The following USH2A variants were observed in gnomAD, a reference collection of about 807,000 sequenced individuals.
The protein encoded by USH2A is Usher syndrome 2A (autosomal recessive, mild).
USH2A carries 443 observed loss-of-function variants against 538.9 expected under a neutral mutation model. The observed-to-expected ratio is 0.82, with a 90% CI of 0.76 to 0.89. The LOEUF (loss-of-function observed/expected upper bound fraction) is 0.89. Ranked by LOEUF, USH2A falls within the 40% of genes least tolerant of loss-of-function variation. The pLI is 0.00. For missense variants in USH2A, 6,633 were observed against 6,324.8 expected (o/e 1.05, Z -1.65); for synonymous variants, 2,413 against 2,273.5 (o/e 1.06, Z -1.75).
chr1:215,823,508 G>A (rs532004165), intron 47 of USH2A, among the ~76,000 whole-genome samples: 40 of 152,056 alleles, frequency 2.6e-4, no homozygotes, highest in African/African-American at 9.2e-4. Context: ...ATTGTTATAT[G>A]CCTTGGAATA....
intron 65 of USH2A, 103 bp downstream of exon 65, chr1:215,650,489 G>C: frequency 7.3e-7 from 1 of 1,373,292 alleles, no homozygotes; most frequent in South Asian, 1.2e-5. Flanking sequence ...GAGAACAGAA[G>C]GATAAGAAAG....
At chr1:215,803,698 G>A (rs1360475758) in intron 49 of USH2A, among the ~76,000 whole-genome samples, 1 of 152,062 alleles carries the variant, frequency 6.6e-6, no homozygotes, top group Non-Finnish European at 1.5e-5. Context: ...CACGAAAATG[G>A]CCATACCGCC....
intron 22 of USH2A, 121 bp from the exon 23 acceptor site, chr1:216,089,260 A>G: frequency 9.4e-7 from 1 of 1,065,612 alleles, no homozygotes; most frequent in Non-Finnish European, 1.4e-6. Context: ...AAGCATGCAT[A>G]CATTTCAAAC....
intron 37 of USH2A, among the ~76,000 whole-genome samples, chr1:215,951,539 G>T (rs1404720162): frequency 6.6e-6 from 1 of 152,178 alleles, no homozygotes; most frequent in Non-Finnish European, 1.5e-5. Flanking sequence ...TGTTGATTTG[G>T]AGTGGAGAGT....
At chr1:216,272,361 T>G (rs1347890531) in intron 11 of USH2A, among the ~76,000 whole-genome samples, 1 of 152,138 alleles carries the variant, frequency 6.6e-6, no homozygotes, top group Admixed American at 6.6e-5. Flanking sequence ...AATTTGTGTT[T>G]TTGATGTTGG....
At chr1:216,334,527 T>C (rs1048573840) in intron 4 of USH2A, among the ~76,000 whole-genome samples, 3 of 151,878 alleles carry the variant, frequency 2.0e-5, no homozygotes, top group African/African-American at 7.2e-5. Flanking sequence ...AAAAAGTAGA[T>C]ATTTACAAAA....
At chr1:216,207,580 G>A (rs1572051339) in intron 15 of USH2A, 149 bp from the exon 16 acceptor site, 1 of 1,015,652 alleles carries the variant, frequency 9.8e-7, no homozygotes, top group Non-Finnish European at 1.4e-6. Context: ...AATAAACAAA[G>A]GGTTCATGAG....
chr1:216,377,017 AC>A (rs2038835152), intron 3 of USH2A, among the ~76,000 whole-genome samples: 1 of 152,162 alleles, frequency 6.6e-6, no homozygotes, highest in Non-Finnish European at 1.5e-5. Flanking sequence ...TTCTGTAAGT[AC>A]CTATGCTTCA....
intron 11 of USH2A, among the ~76,000 whole-genome samples, chr1:216,274,737 C>A (rs919069631): frequency 6.6e-6 from 1 of 152,032 alleles, no homozygotes; most frequent in Admixed American, 6.6e-5. Flanking sequence ...GTCAAAAATA[C>A]TCATTTGCAA....
chr1:216,040,684 C>T (rs950949648), intron 32 of USH2A, among the ~76,000 whole-genome samples: 1 of 151,964 alleles, frequency 6.6e-6, no homozygotes, highest in Non-Finnish European at 1.5e-5. Flanking sequence ...TTTCTTTTGT[C>T]TACTTGTTTG....
Position 215,773,520 on chromosome 1 carries a change from C to G in USH2A, c.10939+6323G>C, listed in dbSNP as rs543995133. 6.2e-3 allele frequency among the ~76,000 whole-genome samples: 921 copies of G among 147,836 alleles called. 6 individuals are homozygous for G. Among genetic ancestry groups the G allele is most frequent in the African/African-American group, 0.023 (866 of 37,582 alleles). On this transcript the variant is annotated intron_variant, in intron 55 of 71. Transcript: ENST00000307340. ...TCTCTCTCTCTCTCTCTGTCTCTCTCTCTCTCTCTCTCTGTCTTTCTCTCT... is the reference window on the plus strand; with the variant it reads ...TCTCTCTCTCTCTCTCTGTCTCTCTGTCTCTCTCTCTCTGTCTTTCTCTCT...
In USH2A at chr1:215,782,144, T is replaced by G. The variant is rs1661661673; in HGVS notation, c.10638A>C (p.Gly3546=). Residue 3546 remains glycine, a synonymous_variant, in exon 54 of 72, where the codon GGA becomes GGC. Coordinates refer to ENST00000307340, the MANE Select transcript of USH2A (RefSeq NM_206933.4). ...CTTTATCAGAGAAGCTCAGTGATGT[T>G]CCCCGAAAACGTTCAATTCCATTTC... is the stretch of plus-strand genomic sequence containing the variant. The part of the protein sequence containing the change: ...LLRNGIERFR[G]TSLSFSDKEG... The G allele has an allele frequency of 1.2e-6, 2 of 1,613,952 alleles. No homozygotes were observed. The highest frequency in any genetic ancestry group is 1.7e-6 in the Non-Finnish European group (2 of 1,179,894).
chr1:216,100,210 C>T (rs1257339611), intron 21 of USH2A, among the ~76,000 whole-genome samples: 1 of 152,070 alleles, frequency 6.6e-6, no homozygotes, highest in Non-Finnish European at 1.5e-5. Flanking sequence ...AATGGACAGA[C>T]TCTTGACTGC....
At chr1:216,180,649 A>G (rs1178658664) in intron 20 of USH2A, among the ~76,000 whole-genome samples, 1 of 152,066 alleles carries the variant, frequency 6.6e-6, no homozygotes, top group African/African-American at 2.4e-5. Context: ...GCCTATGAAG[A>G]CTGTATGGCT....
chr1:215,813,676 C>T, intron 49 of USH2A, 60 bp downstream of exon 49: 1 of 1,608,932 alleles, frequency 6.2e-7, no homozygotes, highest in Admixed American at 1.7e-5. Flanking sequence ...CTGACATGAA[C>T]CACGTGTTTA....
rs141489104 is a variant in USH2A at position 216,250,976 on chromosome 1, G to A, written c.2094C>T (p.Thr698=). The A allele has an allele frequency of 2.2e-4, 351 of 1,614,052 alleles. 2 individuals are homozygous for A. The African/African-American group carries it at 4.2e-3, about 19-fold the overall frequency. The change falls in exon 12 of 72, where the codon ACC becomes ACT. Residue 698 remains threonine, a synonymous_variant. Transcript: ENST00000307340. ...TAATATCTCCATCCACTGTCCCAGA[G>A]GTATTGCAGTTACAGGGACTGCAGC... ...PDGCSPCNCN[T]SGTVDGDITC...
At chr1:215,646,845 G>T (rs1001346616) in intron 67 of USH2A, among the ~76,000 whole-genome samples, 11 of 152,150 alleles carry the variant, frequency 7.2e-5, no homozygotes, top group Admixed American at 2.0e-4. Context: ...TTTTATATCA[G>T]ATTTTTTCTG....
chr1:215,647,058 T>C (rs1656877876), intron 67 of USH2A, among the ~76,000 whole-genome samples: 2 of 152,224 alleles, frequency 1.3e-5, no homozygotes, highest in East Asian at 1.9e-4. Context: ...GACTGTATTA[T>C]ATAAAAATGT....
At chr1:216,188,472 C>T (rs1167648574) in intron 20 of USH2A, among the ~76,000 whole-genome samples, 2 of 151,592 alleles carry the variant, frequency 1.3e-5, no homozygotes, top group Non-Finnish European at 2.9e-5. Context: ...CCATGATATG[C>T]AGCCTAAAGG....
Sources: gnomAD v4.1 joint callset for allele counts (sites outside exome capture counted in the v4.1 genomes callset) on GRCh38, gnomAD v4.1.1 for gene constraint, MANE v1.5 for transcripts, NCBI Gene and HGNC (gene_info 2026-07-23, HGNC 2026-07-21) for gene names.